The following BAZ2B variants were observed in gnomAD, a reference collection of about 807,000 sequenced individuals.
The protein encoded by BAZ2B is bromodomain adjacent to zinc finger domain 2B.
In BAZ2B, 91 loss-of-function variants were observed where a neutral mutation model predicts 246.0. The observed-to-expected ratio is 0.37, with a 90% CI of 0.31 to 0.44. The LOEUF (loss-of-function observed/expected upper bound fraction) is 0.44. Ranked by LOEUF, BAZ2B falls within the 20% of genes least tolerant of loss-of-function variation. The pLI is 1.00. For synonymous variants in BAZ2B, 855 were observed against 860.0 expected, an observed-to-expected ratio of 0.99 and a Z score of 0.10; for missense variants, 2,332 against 2,533.7, an observed-to-expected ratio of 0.92 and a Z score of 1.71.
chr2:159,424,890 A>G (rs777491339), intron 13 of BAZ2B, among the ~76,000 whole-genome samples: 2 of 152,226 alleles, frequency 1.3e-5, no homozygotes, highest in Non-Finnish European at 2.9e-5. Flanking sequence ...ATGTCTGTAC[A>G]TGTTGACTAC....
chr2:159,383,715 TAATC>T (rs767609235), intron 23 of BAZ2B, 35 bp from the exon 24 acceptor site: 17 of 1,556,272 alleles, frequency 1.1e-5, no homozygotes, highest in African/African-American at 1.4e-5. Flanking sequence ...AAGTGTAAAT[TAATC>T]AATTTATGCA....
At chr2:159,447,050 T>A in intron 5 of BAZ2B, 75 bp from the exon 6 acceptor site, 1 of 1,037,990 alleles carries the variant, frequency 9.6e-7, no homozygotes, top group Non-Finnish European at 1.3e-6. Context: ...CAGATATATG[T>A]ACAGTTGGAT....
chr2:159,680,378 G>T, the BAZ2B span, among the ~76,000 whole-genome samples: 1 of 152,008 alleles, frequency 6.6e-6, no homozygotes, highest in Non-Finnish European at 1.5e-5. Flanking sequence ...TAGATACCAC[G>T]GTTAGATTCT....
At chr2:159,703,758 G>A in the BAZ2B span, among the ~76,000 whole-genome samples, 1 of 152,046 alleles carries the variant, frequency 6.6e-6, no homozygotes, top group African/African-American at 2.4e-5. Context: ...CCAGCTACTT[G>A]GAAGGCTGAG....
At chr2:159,656,271 C>A in the BAZ2B span, among the ~76,000 whole-genome samples, 5 of 152,034 alleles carry the variant, frequency 3.3e-5, no homozygotes, top group Admixed American at 2.0e-4. Flanking sequence ...AATCTCTTCC[C>A]CAGTTATTAA....
At chr2:159,685,733 C>T in the BAZ2B span, among the ~76,000 whole-genome samples, 1 of 151,988 alleles carries the variant, frequency 6.6e-6, no homozygotes, top group Non-Finnish European at 1.5e-5. Context: ...TGCCATATTA[C>T]ACTATAATGC....
At chr2:159,534,945 G>A (rs979427981) in intron 2 of BAZ2B, among the ~76,000 whole-genome samples, 1 of 151,976 alleles carries the variant, frequency 6.6e-6, no homozygotes, top group Non-Finnish European at 1.5e-5. Context: ...AATTTTTATA[G>A]GGAAGTAAAT....
chr2:159,481,430 A>G (rs1405588206), intron 2 of BAZ2B, among the ~76,000 whole-genome samples: 1 of 150,820 alleles, frequency 6.6e-6, no homozygotes, highest in East Asian at 1.9e-4. Flanking sequence ...TAAAAAATAT[A>G]TATATAAATA....
intron 1 of BAZ2B, among the ~76,000 whole-genome samples, chr2:159,612,263 C>G (rs1374918969): frequency 6.6e-6 from 1 of 151,866 alleles, no homozygotes; most frequent in Non-Finnish European, 1.5e-5. Context: ...TTTAAAGAAA[C>G]AGCCAAATGG....
intron 1 of BAZ2B, among the ~76,000 whole-genome samples, chr2:159,595,746 G>A (rs930256592): frequency 2.6e-5 from 4 of 152,196 alleles, no homozygotes; most frequent in Non-Finnish European, 5.9e-5. Flanking sequence ...CTAACAAGCG[G>A]AGGTACTATC....
intron 9 of BAZ2B, 66 bp downstream of exon 9, chr2:159,432,691 A>G: frequency 1.2e-5 from 18 of 1,532,370 alleles, no homozygotes; most frequent in Non-Finnish European, 1.6e-5. Context: ...GAATTAAGAA[A>G]CCCTTTAAAA....
chr2:159,415,218 G>A lies in BAZ2B; in HGVS notation c.2467-2673C>T, dbSNP rs936267231. Among the ~76,000 whole-genome samples the A allele has an allele frequency of 4.6e-5, 7 of 151,936 alleles. No individual in the cohort carries two copies. The East Asian group carries it at 1.2e-3, about 25-fold the overall frequency. ...CACCAGCACTTTGGGAGGCTAAGGC[G>A]GGCAGATCAAAAGGTCAGGAGTTCA... is the stretch of plus-strand genomic sequence containing the variant. On this transcript the variant is annotated intron_variant, in intron 13 of 36. Transcript: ENST00000392783.
At chr2:159,657,668 T>C in the BAZ2B span, among the ~76,000 whole-genome samples, 1 of 152,228 alleles carries the variant, frequency 6.6e-6, no homozygotes, top group African/African-American at 2.4e-5. Context: ...CATATAGTTC[T>C]GGTACATACT....
At chr2:159,601,315 G>A (rs1379175976) in intron 1 of BAZ2B, among the ~76,000 whole-genome samples, 11 of 151,770 alleles carry the variant, frequency 7.2e-5, no homozygotes. Flanking sequence ...TTCCTTTCCC[G>A]ATTTTTAAAA....
Position 159,433,233 on chromosome 2 carries a change from A to G in BAZ2B, c.1424T>C (p.Leu475Ser). The G allele has an allele frequency of 6.2e-7, 1 of 1,614,148 alleles. No homozygotes were observed. The highest frequency in any genetic ancestry group is 8.5e-7 in the Non-Finnish European group (1 of 1,180,012). The change falls in exon 9 of 37, where the codon TTA becomes TCA. Residue 475 changes from leucine (L) to serine (S), a missense_variant. Physicochemically the swap from Leu to Ser is moderately radical, Grantham distance 145. Around this residue, in one of 9 missense-constraint regions of BAZ2B, gnomAD observed 651 missense variants for 650.9 expected, o/e 1.00. Coordinates refer to ENST00000392783, the MANE Select transcript of BAZ2B (RefSeq NM_013450.4). The stretch of plus-strand genomic sequence containing the variant: ...GAATGGATTTGGGTGGTTGTTTTCT[A>G]ATGTTTGTTTTGGATGTGCTGGTGA... The part of the protein sequence containing the change: ...SSSPAHPKQT[L>S]ENNHPNPFLT...
chr2:159,680,243 A>G, the BAZ2B span, among the ~76,000 whole-genome samples: 1 of 152,220 alleles, frequency 6.6e-6, no homozygotes, highest in Non-Finnish European at 1.5e-5. Flanking sequence ...TGAAGATTAC[A>G]ACCTGTTAAG....
chr2:159,586,845 G>C (rs924097823), intron 1 of BAZ2B, among the ~76,000 whole-genome samples: 1 of 151,946 alleles, frequency 6.6e-6, no homozygotes, highest in Non-Finnish European at 1.5e-5. Context: ...ATGTATAAAA[G>C]CTAAAATTTA....
At chr2:159,536,164 T>C (rs532467284) in intron 2 of BAZ2B, 1 of 152,318 alleles carries the variant, frequency 6.6e-6, no homozygotes, top group African/African-American at 2.4e-5. Flanking sequence ...AACAGACATA[T>C]GTGAATAAGG....
the BAZ2B span, among the ~76,000 whole-genome samples, chr2:159,667,267 C>T: frequency 6.6e-6 from 1 of 151,474 alleles, no homozygotes; most frequent in Non-Finnish European, 1.5e-5. Context: ...AATTTCTCCC[C>T]CATTTTGGCA....
Sources: allele counts gnomAD v4.1 joint callset (sites outside exome capture counted in the v4.1 genomes callset), GRCh38; gene constraint gnomAD v4.1.1; regional missense constraint gnomAD v4.1.1; transcripts MANE v1.5; gene names NCBI Gene and HGNC (gene_info 2026-07-23, HGNC 2026-07-21).